The following KLRD1 variants were observed in gnomAD, a reference collection of about 807,000 sequenced individuals.
The protein encoded by KLRD1 is killer cell lectin like receptor D1, also known as natural killer cells antigen CD94.
In KLRD1, 21 loss-of-function variants were observed where a neutral mutation model predicts 22.6. That is an observed-to-expected ratio of 0.93 (90% CI 0.66 to 1.34). The LOEUF (loss-of-function observed/expected upper bound fraction) is 1.34. KLRD1 is among the 40% of genes most tolerant of loss of function. The pLI, the probability that KLRD1 is intolerant of heterozygous loss-of-function variation, is 0.00. For missense variants in KLRD1, 183 were observed against 208.6 expected (o/e 0.88, Z 0.76); for synonymous variants, 59 against 71.1 (o/e 0.83, Z 0.85).
chr12:10,302,614 G>C (rs191777338), upstream of KLRD1, among the ~76,000 whole-genome samples: 136 of 152,236 alleles, frequency 8.9e-4, no homozygotes, highest in Middle Eastern at 3.4e-3. Flanking sequence ...TGGTGGGCAG[G>C]GGGTTAGGGA....
At chr12:10,290,798 G>T (rs1412270736) in intron 1 of KLRD1, among the ~76,000 whole-genome samples, 1 of 152,130 alleles carries the variant, frequency 6.6e-6, no homozygotes, top group Non-Finnish European at 1.5e-5. Flanking sequence ...ATGGTTACAT[G>T]AATTTACACA....
chr12:10,275,728 C>T (rs774534037), intron 1 of KLRD1, among the ~76,000 whole-genome samples: 10 of 152,086 alleles, frequency 6.6e-5, no homozygotes, highest in Non-Finnish European at 1.5e-4. Context: ...TGTATATCCT[C>T]CACTCTTTTT....
intron 1 of KLRD1, among the ~76,000 whole-genome samples, chr12:10,242,069 C>CTGTTTT (rs1466232905): frequency 4.3e-5 from 1 of 23,186 alleles, no homozygotes; most frequent in African/African-American, 7.8e-5. Flanking sequence ...ACTGTTCTTG[C>CTGTTTT]TGTTTTTTTT....
rs1431643972 is a variant in KLRD1 at position 10,327,842 on chromosome 12, C to G, written c.*13049C>G. 2 of 152,052 alleles carry G rather than the reference C, an allele frequency of 1.3e-5. No individual in the cohort carries two copies. Among genetic ancestry groups the G allele is most frequent in the African/African-American group, 4.8e-5 (2 of 41,404 alleles). 9.4% of individuals were successfully genotyped at this position (152,052 alleles called of 1,614,324 possible). On this transcript the variant is annotated 3_prime_UTR_variant, in exon 6 of 6. Transcript: ENST00000336164. ...AATGTTGAAATATTTTTCTCAAATTCTAGGTTGGCAGGAGTTATCATCATA... is the reference window on the plus strand; with the variant it reads ...AATGTTGAAATATTTTTCTCAAATTGTAGGTTGGCAGGAGTTATCATCATA...
intron 1 of KLRD1, among the ~76,000 whole-genome samples, chr12:10,288,944 T>A (rs1949738279): frequency 6.6e-6 from 1 of 152,212 alleles, no homozygotes; most frequent in African/African-American, 2.4e-5. Context: ...TGATTCTTCA[T>A]CTCCTGTTTG....
upstream of KLRD1, among the ~76,000 whole-genome samples, chr12:10,302,470 ATC>A (rs1404274727): frequency 3.3e-5 from 5 of 152,192 alleles, no homozygotes; most frequent in Admixed American, 3.3e-4. Context: ...CACAGACAAA[ATC>A]CATCAACTGA....
intron 1 of KLRD1, among the ~76,000 whole-genome samples, chr12:10,243,793 A>G (rs1949265255): frequency 6.6e-6 from 1 of 152,104 alleles, no homozygotes; most frequent in Non-Finnish European, 1.5e-5. Flanking sequence ...TGATCTTACT[A>G]GGGATTCTCA....
chr12:10,312,503 C>G (rs1391260018), intron 4 of KLRD1, among the ~76,000 whole-genome samples: 1 of 151,402 alleles, frequency 6.6e-6, no homozygotes, highest in East Asian at 2.0e-4. Context: ...CTCAGCCTCC[C>G]GAGTAGCTGG....
At chr12:10,280,527 C>T (rs1021559474) in intron 1 of KLRD1, among the ~76,000 whole-genome samples, 8 of 152,022 alleles carry the variant, frequency 5.3e-5, no homozygotes, top group South Asian at 2.1e-4. Context: ...ATGATGTTCA[C>T]GCCGTGCTCC....
chr12:10,248,856 C>T (rs998040471), intron 1 of KLRD1, among the ~76,000 whole-genome samples: 1 of 152,058 alleles, frequency 6.6e-6, no homozygotes, highest in East Asian at 1.9e-4. Context: ...CCTCGGCCTC[C>T]CAATGTGTTG....
rs1224001073 is a variant in KLRD1, at chr12:10,307,879, A to G, written c.-199A>G. 6.8e-6 allele frequency: 4 copies of G among 591,720 alleles called. No homozygotes were observed. In the Admixed American group the frequency reaches 8.7e-5, roughly 13 times the overall value. The allele number at this position is 591,720 out of a possible 1,614,324, so 36.7% of individuals were successfully genotyped here. On this transcript the variant is annotated 5_prime_UTR_variant, in exon 1 of 6. Transcript: ENST00000336164. The stretch of plus-strand genomic sequence containing the variant: ...GATTCTACTGCTTCTTATTCACACT[A>G]TAATACATGTCTCACCAATAGATGA...
At chr12:10,312,457 C>T (rs916876794) in intron 4 of KLRD1, among the ~76,000 whole-genome samples, 1 of 151,678 alleles carries the variant, frequency 6.6e-6, no homozygotes, top group Non-Finnish European at 1.5e-5. Flanking sequence ...TGGCTCACTG[C>T]AAGCTCCTCC....
chr12:10,327,917 G>C lies in KLRD1; in HGVS notation c.*13124G>C, dbSNP rs1442403902. On this transcript the variant is annotated 3_prime_UTR_variant, in exon 6 of 6. Coordinates refer to ENST00000336164, the MANE Select transcript of KLRD1 (RefSeq NM_002262.5). ...ACTTTTTTTCTGAATCTATTGAGATGCACAGGTGACATTTATCCTTCATTC... is the reference window on the plus strand; with the variant it reads ...ACTTTTTTTCTGAATCTATTGAGATCCACAGGTGACATTTATCCTTCATTC... 2.0e-5 allele frequency: 3 copies of C among 152,114 alleles called. No homozygotes were observed. Among genetic ancestry groups the C allele is most frequent in the Non-Finnish European group, 4.4e-5 (3 of 68,002 alleles). 9.4% of individuals were successfully genotyped at this position (152,114 alleles called of 1,614,324 possible). A position where few individuals can be genotyped will look rare whatever the true frequency, so the allele number is the denominator to read the frequency against.
intron 1 of KLRD1, among the ~76,000 whole-genome samples, chr12:10,280,483 C>T (rs993010660): frequency 5.3e-5 from 8 of 151,872 alleles, no homozygotes; most frequent in Non-Finnish European, 1.2e-4. Context: ...TTTTAGCTAC[C>T]CATAGTCTAG....
intron 1 of KLRD1, among the ~76,000 whole-genome samples, chr12:10,241,664 C>A (rs1272300368): frequency 4.6e-5 from 7 of 151,896 alleles, no homozygotes; most frequent in African/African-American, 1.5e-4. Flanking sequence ...GGCCAGAGAA[C>A]TATAGTTAGG....
intron 1 of KLRD1, chr12:10,309,172 T>A: frequency 2.4e-6 from 1 of 417,664 alleles, no homozygotes; most frequent in Non-Finnish European, 4.2e-6. Flanking sequence ...GAGAAGAAAA[T>A]GTTTGAATAA....
At chr12:10,270,131 G>A (rs73068099) in intron 1 of KLRD1, among the ~76,000 whole-genome samples, 3 of 152,100 alleles carry the variant, frequency 2.0e-5, no homozygotes, top group East Asian at 1.9e-4. Context: ...ACTATTTTCC[G>A]TTTCTATCAA....
At chr12:10,246,604 T>G (rs989751031) in intron 1 of KLRD1, among the ~76,000 whole-genome samples, 2 of 152,182 alleles carry the variant, frequency 1.3e-5, no homozygotes, top group Non-Finnish European at 2.9e-5. Flanking sequence ...CATACAATAT[T>G]ATTCTATGGA....
chr12:10,244,637 G>A (rs374424348), intron 1 of KLRD1, among the ~76,000 whole-genome samples: 1 of 151,804 alleles, frequency 6.6e-6, no homozygotes, highest in Non-Finnish European at 1.5e-5. Flanking sequence ...CAAAAAATTA[G>A]CCTGGCATGG....
Sources: gnomAD v4.1 joint callset for allele counts (sites outside exome capture counted in the v4.1 genomes callset) on GRCh38, gnomAD v4.1.1 for gene constraint, MANE v1.5 for transcripts, NCBI Gene and HGNC (gene_info 2026-07-23, HGNC 2026-07-21) for gene names.